The following NKAIN2 variants were observed in gnomAD, a reference collection of about 807,000 sequenced individuals.
NKAIN2 encodes sodium/potassium-transporting ATPase subunit beta-1-interacting protein 2.
Under a neutral mutation model 32.6 loss-of-function variants are expected in NKAIN2, and 14 were observed. The observed-to-expected ratio is 0.43, with a 90% CI of 0.28 to 0.67. The LOEUF is 0.67. NKAIN2 is among the 30% of genes least tolerant of loss of function. The pLI, the probability that NKAIN2 is intolerant of heterozygous loss-of-function variation, is 0.17. For missense variants in NKAIN2, 198 were observed against 258.3 expected (o/e 0.77, Z 1.60); for synonymous variants, 80 against 87.2 (o/e 0.92, Z 0.46).
rs1359089186 is a variant in NKAIN2, at chr6:124,658,277, C to G, written c.365C>G (p.Pro122Arg). Residue 122 changes from proline (P) to arginine (R), a missense_variant, in exon 4 of 7, where the codon CCT becomes CGT. Physicochemically the swap from Pro to Arg is moderately radical, Grantham distance 103. Transcript: ENST00000368417. ...GGATGTACGGTGACGTCAGTGACAC[C>G]TGCCCCAGACTGGGCCCCAGAAGAC... ...GPGCTVTSVT[P>R]APDWAPEDHR... 6.2e-7 allele frequency: 1 copy of G among 1,613,946 alleles called. No homozygotes were observed. The highest frequency in any genetic ancestry group is 8.5e-7 in the Non-Finnish European group (1 of 1,179,966).
chr6:124,719,354 A>T (rs1415398404), intron 4 of NKAIN2, among the ~76,000 whole-genome samples: 1 of 152,032 alleles, frequency 6.6e-6, no homozygotes, highest in East Asian at 1.9e-4. Flanking sequence ...AGAGGGGGCA[A>T]ATGTTTAGCA....
At chr6:124,773,360 A>G (rs1043989657) in intron 4 of NKAIN2, among the ~76,000 whole-genome samples, 9 of 152,148 alleles carry the variant, frequency 5.9e-5, no homozygotes, top group Admixed American at 3.3e-4. Context: ...AGCCTTTTTA[A>G]GATTTGCATT....
At chr6:124,719,051 G>A (rs1282483191) in intron 4 of NKAIN2, among the ~76,000 whole-genome samples, 5 of 152,052 alleles carry the variant, frequency 3.3e-5, no homozygotes, top group Admixed American at 6.5e-5. Flanking sequence ...TTTTTATTGA[G>A]TTTTTCTGTC....
At chr6:124,350,311 C>T (rs540692269) in intron 2 of NKAIN2, among the ~76,000 whole-genome samples, 22 of 151,348 alleles carry the variant, frequency 1.5e-4, no homozygotes, top group East Asian at 3.9e-4. Context: ...AATCATAGGC[C>T]GAATTACAAG....
At chr6:124,189,880 C>T (rs1254633795) in intron 1 of NKAIN2, among the ~76,000 whole-genome samples, 1 of 152,150 alleles carries the variant, frequency 6.6e-6, no homozygotes, top group East Asian at 1.9e-4. Context: ...AACAGAATGT[C>T]AGGAACACAA....
At chr6:124,637,001 G>C (rs1311216057) in intron 3 of NKAIN2, among the ~76,000 whole-genome samples, 2 of 151,778 alleles carry the variant, frequency 1.3e-5, no homozygotes, top group Non-Finnish European at 1.5e-5. Context: ...CAAAATACTA[G>C]GAAACTGAAT....
At chr6:123,956,280 G>A (rs73773025) in intron 1 of NKAIN2, among the ~76,000 whole-genome samples, 6,656 of 152,224 alleles carry the variant, frequency 0.044, 444 homozygotes, top group African/African-American at 0.14. Flanking sequence ...AATTGTATCC[G>A]TGAAAATTCA....
At chr6:124,355,400 TCCTA>T (rs1346998977) in intron 3 of NKAIN2, 53 bp downstream of exon 3, 1 of 997,044 alleles carries the variant, frequency 1.0e-6, no homozygotes, top group African/African-American at 1.6e-5. Flanking sequence ...ACAAGTCTCT[TCCTA>T]AGTAAGGCAG....
At chr6:124,170,123 C>T (rs1247379606) in intron 1 of NKAIN2, among the ~76,000 whole-genome samples, 1 of 152,112 alleles carries the variant, frequency 6.6e-6, no homozygotes, top group African/African-American at 2.4e-5. Flanking sequence ...AAATCCTCAC[C>T]AGGGATGCTT....
chr6:124,198,415 T>C (rs1054805769), intron 1 of NKAIN2, among the ~76,000 whole-genome samples: 1 of 151,480 alleles, frequency 6.6e-6, no homozygotes, highest in African/African-American at 2.4e-5. Context: ...ATTCTCAGTA[T>C]GCCTTTCACT....
intron 4 of NKAIN2, among the ~76,000 whole-genome samples, chr6:124,763,802 CTG>C (rs1240435503): frequency 6.6e-6 from 1 of 152,094 alleles, no homozygotes; most frequent in African/African-American, 2.4e-5. Flanking sequence ...TTCATAGATA[CTG>C]TTTTTATTTG....
chr6:124,031,273 A>G (rs1055454834), intron 1 of NKAIN2, among the ~76,000 whole-genome samples: 1 of 151,918 alleles, frequency 6.6e-6, no homozygotes, highest in Non-Finnish European at 1.5e-5. Context: ...ATCATTTTTT[A>G]TTACGTCTAT....
chr6:124,635,211 C>G (rs1783728954), intron 3 of NKAIN2, among the ~76,000 whole-genome samples: 1 of 151,832 alleles, frequency 6.6e-6, no homozygotes, highest in African/African-American at 2.4e-5. Flanking sequence ...TACCATCAGA[C>G]CAGCCATACA....
rs3054409 is a variant in NKAIN2 at position 124,364,250 on chromosome 6, A to AAAAAAGACAG, written c.273+8904_273+8905insAAAAGACAGA. 1.4e-4 allele frequency among the ~76,000 whole-genome samples: 19 copies of AAAAAAGACAG among 139,750 alleles called. 2 individuals carry two copies. Among genetic ancestry groups the AAAAAAGACAG allele is most frequent in the Admixed American group, 1.0e-3 (14 of 14,050 alleles). 91.7% of individuals were successfully genotyped at this position (139,750 alleles called of 152,430 possible). ...GGTTAAAAATACCAAAAAAAAAAAAAAGAGAGAAAAGAATGTCAAAAACAT... is the reference window on the plus strand; with the variant it reads ...GGTTAAAAATACCAAAAAAAAAAAAAAAAAAGACAGAGAGAGAAAAGAATGTCAAAAACAT... On this transcript the variant is annotated intron_variant, in intron 3 of 6. Coordinates refer to ENST00000368417, the MANE Select transcript of NKAIN2 (RefSeq NM_001040214.3).
chr6:123,853,929 C>T (rs1775456367), intron 1 of NKAIN2, among the ~76,000 whole-genome samples: 1 of 152,070 alleles, frequency 6.6e-6, no homozygotes, highest in Non-Finnish European at 1.5e-5. Context: ...CCCACCACCA[C>T]ACCCGGCTAA....
intron 1 of NKAIN2, among the ~76,000 whole-genome samples, chr6:124,271,269 T>C (rs1237327802): frequency 6.6e-6 from 1 of 152,092 alleles, no homozygotes; most frequent in East Asian, 1.9e-4. Flanking sequence ...CAGGCTGGAG[T>C]GCAGTGGCAC....
chr6:124,283,335 TAGTG>T (rs888944917), intron 2 of NKAIN2, 193 bp downstream of exon 2: 149 of 477,344 alleles, frequency 3.1e-4, no homozygotes, highest in African/African-American at 2.7e-3. Flanking sequence ...AGGCACTTGA[TAGTG>T]AGTGTGATCA....
intron 3 of NKAIN2, among the ~76,000 whole-genome samples, chr6:124,638,271 GT>G (rs146371239): frequency 0.036 from 5,553 of 152,234 alleles, 115 homozygotes; most frequent in South Asian, 0.082. Flanking sequence ...CTCAAAATGG[GT>G]GAAAGACTTA....
intron 4 of NKAIN2, among the ~76,000 whole-genome samples, chr6:124,729,570 A>G (rs1424076014): frequency 3.0e-4 from 45 of 151,688 alleles, no homozygotes; most frequent in African/African-American, 1.0e-3. Context: ...AAAATAATAA[A>G]AGCTATCTAT....
Sources: gnomAD v4.1 joint callset for allele counts (sites outside exome capture counted in the v4.1 genomes callset) on GRCh38, gnomAD v4.1.1 for gene constraint, MANE v1.5 for transcripts, NCBI Gene and HGNC (gene_info 2026-07-23, HGNC 2026-07-21) for gene names.